Variants in SPRR2B observed in about 807,000 individuals in gnomAD.
SPRR2B encodes the protein small proline rich protein 2B, also known as small proline-rich protein 2B.
Under a neutral mutation model 1.0 loss-of-function variants are expected in SPRR2B, and 1 was observed. That is an observed-to-expected ratio of 1.01 (90% CI 0.36 to 4.77). The LOEUF (loss-of-function observed/expected upper bound fraction) is 4.77, where lower values mean the gene tolerates loss of function less well. Ranked by LOEUF, SPRR2B falls within the 30% of genes most tolerant of loss-of-function variation. SPRR2B has a pLI of 0.16. For synonymous variants in SPRR2B, 27 were observed against 33.4 expected, an observed-to-expected ratio of 0.81 and a Z score of 0.66; for missense variants, 53 against 88.7, an observed-to-expected ratio of 0.60 and a Z score of 1.62.
At chr1:153,081,099 A>G in the SPRR2B span, among the ~76,000 whole-genome samples, 8 of 152,370 alleles carry the variant, frequency 5.3e-5, no homozygotes, top group South Asian at 2.1e-4. Flanking sequence ...CAAAAAGCAT[A>G]ACAAACTCCA....
chr1:153,080,592 A>T, the SPRR2B span, among the ~76,000 whole-genome samples: 1 of 152,228 alleles, frequency 6.6e-6, no homozygotes, highest in Admixed American at 6.5e-5. Flanking sequence ...GAAAACAAAG[A>T]AACACAAAAT....
At chr1:153,071,200 T>C (rs1223151124) in intron 1 of SPRR2B, among the ~76,000 whole-genome samples, 1 of 128,816 alleles carries the variant, frequency 7.8e-6, no homozygotes, top group African/African-American at 2.6e-5. Context: ...TCATTATCTG[T>C]TGTAAAGTCC....
chr1:153,082,081 C>T, the SPRR2B span, among the ~76,000 whole-genome samples: 2 of 151,944 alleles, frequency 1.3e-5, no homozygotes, highest in Non-Finnish European at 2.9e-5. Flanking sequence ...TGGGGTTAAA[C>T]GGGTGTTAAT....
At chr1:153,083,292 GCTGAAAATAGGGA>G in the SPRR2B span, among the ~76,000 whole-genome samples, 1 of 152,138 alleles carries the variant, frequency 6.6e-6, no homozygotes, top group African/African-American at 2.4e-5. Context: ...AAAAAAGAAA[GCTGAAAATAGGGA>G]CTACTTCCTG....
chr1:153,081,798 G>A, the SPRR2B span, among the ~76,000 whole-genome samples: 10 of 150,110 alleles, frequency 6.7e-5, no homozygotes, highest in African/African-American at 2.5e-4. Flanking sequence ...AAGGTTGTAT[G>A]AGTCAATTTT....
chr1:153,076,958 G>T, the SPRR2B span, among the ~76,000 whole-genome samples: 1 of 152,190 alleles, frequency 6.6e-6, no homozygotes, highest in African/African-American at 2.4e-5. Flanking sequence ...CTTAAAGGCT[G>T]TAGGCCCATT....
At chr1:153,082,832 C>T in the SPRR2B span, among the ~76,000 whole-genome samples, 1 of 151,782 alleles carries the variant, frequency 6.6e-6, no homozygotes, top group African/African-American at 2.4e-5. Context: ...GCTAAACCCC[C>T]CAAAAAGAAA....
chr1:153,077,494 T>A, the SPRR2B span, among the ~76,000 whole-genome samples: 1 of 152,196 alleles, frequency 6.6e-6, no homozygotes, highest in Non-Finnish European at 1.5e-5. Flanking sequence ...CTACAAGATT[T>A]AAAATGCAAA....
the SPRR2B span, among the ~76,000 whole-genome samples, chr1:153,082,197 A>G: frequency 6.6e-6 from 1 of 152,244 alleles, no homozygotes; most frequent in Admixed American, 6.5e-5. Flanking sequence ...AAATAGCTTT[A>G]CTACAGAAAA....
At chr1:153,084,809 C>A in the SPRR2B span, among the ~76,000 whole-genome samples, 6 of 152,150 alleles carry the variant, frequency 3.9e-5, no homozygotes, top group Non-Finnish European at 8.8e-5. Flanking sequence ...TCAGGGAGCA[C>A]CTCAGCCTCC....
chr1:153,072,290 GA>G (rs1479649387), upstream of SPRR2B, among the ~76,000 whole-genome samples: 2 of 152,198 alleles, frequency 1.3e-5, no homozygotes, highest in African/African-American at 4.8e-5. Flanking sequence ...ACAGACACCA[GA>G]GTGAGATCCA....
In SPRR2B at chr1:153,070,292, A is replaced by G. The variant is rs868740266; in HGVS notation, c.*329T>C. 49 of 475,908 alleles carry G rather than the reference A, an allele frequency of 1.0e-4. No homozygotes were observed. Among genetic ancestry groups the G allele is most frequent in the African/African-American group, 8.0e-4 (41 of 51,358 alleles). The allele number at this position is 475,908 out of a possible 1,614,324, so 29.5% of individuals were successfully genotyped here. A position where few individuals can be genotyped will look rare whatever the true frequency, so the allele number is the denominator to read the frequency against. On this transcript the variant is annotated 3_prime_UTR_variant, in exon 2 of 2. Coordinates refer to ENST00000368755, the MANE Select transcript of SPRR2B (RefSeq NM_001388198.1). Reference sequence around the variant, plus strand: ...ACAATTGCACAGGTGGTAGAAGCTCATGCCCAGGTGAAAGACAGACACAGA... The same window carrying G: ...ACAATTGCACAGGTGGTAGAAGCTCGTGCCCAGGTGAAAGACAGACACAGA...
the SPRR2B span, among the ~76,000 whole-genome samples, chr1:153,083,025 C>T: frequency 5.8e-4 from 89 of 152,218 alleles, no homozygotes; most frequent in South Asian, 0.018. Flanking sequence ...AGGAACATTA[C>T]ACTGATTTTA....
At chr1:153,082,248 T>C in the SPRR2B span, among the ~76,000 whole-genome samples, 1 of 151,894 alleles carries the variant, frequency 6.6e-6, no homozygotes, top group Non-Finnish European at 1.5e-5. Context: ...ACACAAACAG[T>C]GTACAGAAAA....
At chr1:153,083,560 A>C in the SPRR2B span, among the ~76,000 whole-genome samples, 1 of 152,208 alleles carries the variant, frequency 6.6e-6, no homozygotes, top group Middle Eastern at 3.2e-3. Context: ...GAGGGAAGGC[A>C]CTGAGAGTGA....
At chr1:153,076,905 T>A in the SPRR2B span, among the ~76,000 whole-genome samples, 1 of 152,206 alleles carries the variant, frequency 6.6e-6, no homozygotes, top group African/African-American at 2.4e-5. Flanking sequence ...CACAAAGACA[T>A]GGTTGAATTT....
chr1:153,074,263 T>A (rs991388637), upstream of SPRR2B, among the ~76,000 whole-genome samples: 3 of 152,252 alleles, frequency 2.0e-5, no homozygotes, highest in African/African-American at 7.2e-5. Context: ...CTTTTAATTT[T>A]GTGTAATATT....
the SPRR2B span, among the ~76,000 whole-genome samples, chr1:153,084,613 C>G: frequency 8.5e-5 from 13 of 152,224 alleles, no homozygotes; most frequent in Non-Finnish European, 1.0e-4. Flanking sequence ...GCCTCTACCA[C>G]TGTGGTGAAT....
the SPRR2B span, among the ~76,000 whole-genome samples, chr1:153,080,608 A>T: frequency 6.6e-6 from 1 of 152,238 alleles, no homozygotes; most frequent in East Asian, 1.9e-4. Flanking sequence ...AAAATTGTGA[A>T]AAAAATTTGT....
Sources: gnomAD v4.1 joint callset for allele counts (sites outside exome capture counted in the v4.1 genomes callset) on GRCh38, gnomAD v4.1.1 for gene constraint, MANE v1.5 for transcripts, NCBI Gene and HGNC (gene_info 2026-07-23, HGNC 2026-07-21) for gene names.